Variants in NEURL1 observed in about 807,000 individuals in gnomAD.
NEURL1 encodes the protein neuralized E3 ubiquitin protein ligase 1.
In NEURL1, 26 loss-of-function variants were observed where a neutral mutation model predicts 41.2. The ratio of observed to expected loss-of-function variants is 0.63; its 90% CI spans 0.46 to 0.87. NEURL1 has a LOEUF of 0.87. Among genes scored for constraint, NEURL1 ranks in the 40% least tolerant of loss-of-function variants. NEURL1 has a pLI of 0.00. For synonymous variants in NEURL1, 400 were observed against 402.3 expected, an observed-to-expected ratio of 0.99 and a Z score of 0.07; for missense variants, 761 against 871.1, an observed-to-expected ratio of 0.87 and a Z score of 1.59.
At chr10:103,543,369 C>T (rs56758262) in intron 1 of NEURL1, among the ~76,000 whole-genome samples, 4,099 of 152,268 alleles carry the variant, frequency 0.027, 54 homozygotes, top group Non-Finnish European at 0.03. Flanking sequence ...ACTGGTGCTG[C>T]GAGGTCACGG....
chr10:103,586,852 C>T (rs2035934587), intron 4 of NEURL1, among the ~76,000 whole-genome samples: 1 of 152,116 alleles, frequency 6.6e-6, no homozygotes, highest in African/African-American at 2.4e-5. Context: ...AGTTCAAGAC[C>T]AGCCTGGCCA....
At chr10:103,588,987 G>T in intron 4 of NEURL1, 1 of 438,638 alleles carries the variant, frequency 2.3e-6, no homozygotes, top group South Asian at 1.6e-5. Context: ...GACGGAAGGA[G>T]GAAGGAGGGG....
Position 103,566,061 on chromosome 10 carries a change from C to T in NEURL1, c.86-4811C>T, listed in dbSNP as rs182633119. On this transcript the variant is annotated intron_variant, in intron 1 of 5. Transcript: ENST00000369780. The surrounding 1 kb of genome is among the most constrained non-coding windows in gnomAD (Gnocchi z 4.2). ...TGTACAAGTTGTGTAACCACTACCC[C>T]AGTCTCAAGATATGGAACATTATTT... Among the ~76,000 whole-genome samples the T allele has an allele frequency of 6.6e-6, 1 of 152,202 alleles. No homozygotes were observed. The highest frequency in any genetic ancestry group is 1.9e-4 in the East Asian group (1 of 5,180).
chr10:103,513,152 T>A (rs2034113502), intron 1 of NEURL1, among the ~76,000 whole-genome samples: 1 of 151,898 alleles, frequency 6.6e-6, no homozygotes, highest in South Asian at 2.1e-4. Context: ...CCAGCAGCCC[T>A]CCCTGGCAGC....
intron 1 of NEURL1, chr10:103,512,133 T>C (rs2281858): frequency 0.51 from 78,121 of 152,044 alleles, 21,242 homozygotes; most frequent in African/African-American, 0.69. Context: ...GTTCTGCCCT[T>C]ATAGAACTTG....
chr10:103,514,427 C>T (rs944332459), intron 1 of NEURL1, among the ~76,000 whole-genome samples: 1 of 152,168 alleles, frequency 6.6e-6, no homozygotes, highest in Non-Finnish European at 1.5e-5. Context: ...GGCTCCTTTC[C>T]TTGTCAAGTG....
chr10:103,576,556 G>A (rs1221336464), intron 3 of NEURL1, among the ~76,000 whole-genome samples: 3 of 152,136 alleles, frequency 2.0e-5, no homozygotes, highest in African/African-American at 7.2e-5. Context: ...AGAAGTATGA[G>A]ACCCAGAGAT....
At chr10:103,549,422 G>A (rs1441725708) in intron 1 of NEURL1, among the ~76,000 whole-genome samples, 2 of 152,112 alleles carry the variant, frequency 1.3e-5, no homozygotes, top group Non-Finnish European at 2.9e-5. Flanking sequence ...GAGTACTTTT[G>A]CTCTCCTCTC....
intron 1 of NEURL1, among the ~76,000 whole-genome samples, chr10:103,525,683 A>G (rs1045790275): frequency 3.3e-5 from 5 of 152,084 alleles, no homozygotes; most frequent in African/African-American, 4.8e-5. Flanking sequence ...ATGATAGTTT[A>G]TATGCAAATA....
intron 1 of NEURL1, among the ~76,000 whole-genome samples, chr10:103,552,042 C>T (rs2035041997): frequency 1.3e-5 from 2 of 151,582 alleles, no homozygotes; most frequent in South Asian, 4.2e-4. Context: ...GAGATGTTTT[C>T]TGAGTGCCTG....
rs2036067154 is a variant in NEURL1 at position 103,592,243 on chromosome 10, A to C, written c.*1871A>C. 6.6e-6 allele frequency: 1 copy of C among 152,296 alleles called. No individual in the cohort carries two copies. The highest frequency in any genetic ancestry group is 6.5e-5 in the Admixed American group (1 of 15,272). The allele number at this position is 152,296 out of a possible 1,614,324, so 9.4% of individuals were successfully genotyped here. A position where few individuals can be genotyped will look rare whatever the true frequency, so the allele number is the denominator to read the frequency against. ...TGTGTGACTCGGGAGTTCTTCCGTG[A>C]GGGCTGCCAGGGGGTGGTGTGCCAG... On this transcript the variant is annotated 3_prime_UTR_variant, in exon 6 of 6. Transcript: ENST00000369780. The surrounding 1 kb of genome is among the most constrained non-coding windows in gnomAD (Gnocchi z 4.8).
intron 3 of NEURL1, among the ~76,000 whole-genome samples, chr10:103,581,765 C>A: frequency 6.6e-6 from 1 of 152,148 alleles, no homozygotes; most frequent in East Asian, 1.9e-4. Context: ...TGGTTTTGTT[C>A]ATTATCTAAG....
Position 103,571,498 on chromosome 10 carries a change from C to A in NEURL1, c.328-3C>A. Reference sequence around the variant, plus strand: ...TGGGCTGAGGCCACCCCCTGCCACCCAGATCACCAAGAAGCAGTGCTGCTG... The same window carrying A: ...TGGGCTGAGGCCACCCCCTGCCACCAAGATCACCAAGAAGCAGTGCTGCTG... On this transcript the variant is annotated splice_polypyrimidine_tract_variant and splice_region_variant and intron_variant, in intron 2 of 5. Coordinates refer to ENST00000369780, the MANE Select transcript of NEURL1 (RefSeq NM_004210.5). 6.3e-7 allele frequency: 1 copy of A among 1,597,042 alleles called. No homozygotes were observed. The highest frequency in any genetic ancestry group is 1.1e-5 in the South Asian group (1 of 90,244).
intron 3 of NEURL1, among the ~76,000 whole-genome samples, chr10:103,579,157 C>G (rs1261548945): frequency 1.3e-5 from 2 of 152,234 alleles, no homozygotes; most frequent in Non-Finnish European, 2.9e-5. Context: ...TTCTGGGCAA[C>G]AGCAAGCCCT....
chr10:103,561,503 A>T (rs1400520857), intron 1 of NEURL1, among the ~76,000 whole-genome samples: 1 of 152,070 alleles, frequency 6.6e-6, no homozygotes, highest in Non-Finnish European at 1.5e-5. Flanking sequence ...ACCTCAGGTG[A>T]TCTGCCCACC....
chr10:103,569,338 T>A (rs1389079592), intron 1 of NEURL1, among the ~76,000 whole-genome samples: 2 of 152,220 alleles, frequency 1.3e-5, no homozygotes, highest in Admixed American at 1.3e-4. Flanking sequence ...TGCCGAGTAG[T>A]ATTCCGTTGA....
intron 1 of NEURL1, among the ~76,000 whole-genome samples, chr10:103,501,618 T>TTTATTATTA (rs58396329): frequency 0.21 from 29,518 of 142,358 alleles, 3,138 homozygotes; most frequent in South Asian, 0.28. Context: ...TCCCACTTTA[T>TTTATTATTA]TTATTATTAT....
At chr10:103,588,196 C>G (rs1443107546) in intron 4 of NEURL1, among the ~76,000 whole-genome samples, 1 of 151,748 alleles carries the variant, frequency 6.6e-6, no homozygotes, top group African/African-American at 2.4e-5. Flanking sequence ...GTCCCAGCTA[C>G]TCAGGAGGCT....
chr10:103,552,835 G>T (rs2035063066), intron 1 of NEURL1, among the ~76,000 whole-genome samples: 1 of 151,054 alleles, frequency 6.6e-6, no homozygotes, highest in Non-Finnish European at 1.5e-5. Flanking sequence ...GACCGAGTAG[G>T]GTAAGTGTTA....
Sources: allele counts gnomAD v4.1 joint callset (sites outside exome capture counted in the v4.1 genomes callset), GRCh38; gene constraint gnomAD v4.1.1; non-coding constraint Gnocchi (gnomAD v3.1); transcripts MANE v1.5; gene names NCBI Gene and HGNC (gene_info 2026-07-23, HGNC 2026-07-21).